CSMD1: variants seen among roughly 807,000 people sequenced by gnomAD.
The protein encoded by CSMD1 is CUB and Sushi multiple domains 1.
CSMD1 carries 213 observed loss-of-function variants against 417.5 expected under a neutral mutation model. The ratio of observed to expected loss-of-function variants is 0.51; its 90% CI spans 0.46 to 0.57. CSMD1 has a LOEUF of 0.57. Ranked by LOEUF, CSMD1 falls within the 20% of genes least tolerant of loss-of-function variation. CSMD1 has a pLI of 0.00. For missense variants in CSMD1, 6,923 were observed against 4,529.7 expected (o/e 1.53, Z -15.17); for synonymous variants, 2,862 against 1,736.8 (o/e 1.65, Z -16.11).
chr8:4,253,587 A>T (rs1011175398), intron 3 of CSMD1, among the ~76,000 whole-genome samples: 1 of 152,170 alleles, frequency 6.6e-6, no homozygotes, highest in Non-Finnish European at 1.5e-5. Flanking sequence ...CAAAGCAGTA[A>T]AATGAGATGA....
intron 18 of CSMD1, among the ~76,000 whole-genome samples, chr8:3,369,760 A>G (rs1271530933): frequency 1.3e-5 from 2 of 152,190 alleles, no homozygotes; most frequent in Non-Finnish European, 2.9e-5. Flanking sequence ...TCAGACACTC[A>G]TTTTGGAAAA....
chr8:3,684,404 A>G (rs1799832741), intron 7 of CSMD1, among the ~76,000 whole-genome samples: 1 of 148,806 alleles, frequency 6.7e-6, no homozygotes, highest in African/African-American at 2.5e-5. Context: ...AAGTACATAT[A>G]TACAAAATAT....
At chr8:3,735,356 T>C (rs768523514) in intron 6 of CSMD1, among the ~76,000 whole-genome samples, 3 of 152,122 alleles carry the variant, frequency 2.0e-5, no homozygotes, top group Non-Finnish European at 2.9e-5. Flanking sequence ...TCTGCAAATA[T>C]TGACTCAAGA....
chr8:4,910,218 T>C (rs1805570962), intron 1 of CSMD1, among the ~76,000 whole-genome samples: 1 of 152,236 alleles, frequency 6.6e-6, no homozygotes, highest in African/African-American at 2.4e-5. Context: ...TAAATTATTA[T>C]TCATCTTGGG....
In CSMD1 at chr8:3,238,157, CA is replaced by C. The variant is rs1246065429; in HGVS notation, c.4154-7927del. Among the ~76,000 whole-genome samples the C allele has an allele frequency of 9.0e-4, 137 of 151,438 alleles. 1 individual carries two copies. Among genetic ancestry groups the C allele is most frequent in the African/African-American group, 3.1e-3 (129 of 41,266 alleles). ...TGGGTACGTAAAGGAAAATTACAGT[CA>C]AAGGGGGGTTGTTCTCTGGTGGGCA... On this transcript the variant is annotated intron_variant, in intron 26 of 69. Coordinates refer to ENST00000635120, the MANE Select transcript of CSMD1 (RefSeq NM_033225.6).
intron 3 of CSMD1, among the ~76,000 whole-genome samples, chr8:4,213,327 C>A (rs1490206013): frequency 2.0e-5 from 3 of 152,052 alleles, no homozygotes; most frequent in Non-Finnish European, 4.4e-5. Flanking sequence ...TCCAGACATG[C>A]AATTCAGAGA....
intron 26 of CSMD1, among the ~76,000 whole-genome samples, chr8:3,247,656 G>A (rs190036645): frequency 5.9e-5 from 9 of 152,164 alleles, no homozygotes; most frequent in South Asian, 4.2e-4. Flanking sequence ...CAAGGCCCCC[G>A]CCCCCAGTTC....
chr8:3,824,965 G>T (rs182047501), intron 5 of CSMD1, among the ~76,000 whole-genome samples: 1 of 152,098 alleles, frequency 6.6e-6, no homozygotes, highest in Admixed American at 6.5e-5. Context: ...TTTAACTGTT[G>T]TTTAATAATA....
At chr8:4,462,413 T>C (rs182981748) in intron 2 of CSMD1, among the ~76,000 whole-genome samples, 1 of 152,092 alleles carries the variant, frequency 6.6e-6, no homozygotes, top group Non-Finnish European at 1.5e-5. Context: ...AAGATGGCAA[T>C]ACTCCCCAAA....
chr8:3,435,302 G>C (rs1264383416), intron 12 of CSMD1, among the ~76,000 whole-genome samples: 1 of 152,168 alleles, frequency 6.6e-6, no homozygotes, highest in Non-Finnish European at 1.5e-5. Flanking sequence ...ATTTCACTGG[G>C]AAAGATGAAG....
intron 3 of CSMD1, among the ~76,000 whole-genome samples, chr8:4,369,663 T>A (rs1441970905): frequency 3.3e-5 from 5 of 152,234 alleles, no homozygotes; most frequent in Non-Finnish European, 7.3e-5. Context: ...GTTGTCTTCT[T>A]GTTGAGTTGA....
intron 1 of CSMD1, among the ~76,000 whole-genome samples, chr8:4,665,971 G>C (rs1268561669): frequency 2.0e-5 from 3 of 152,096 alleles, no homozygotes; most frequent in South Asian, 2.1e-4. Flanking sequence ...GTTCCTATTA[G>C]GAATATGTAA....
intron 3 of CSMD1, among the ~76,000 whole-genome samples, chr8:4,246,481 G>A (rs925501098): frequency 6.6e-6 from 1 of 152,152 alleles, no homozygotes; most frequent in Non-Finnish European, 1.5e-5. Flanking sequence ...TCTTGTTACA[G>A]AGATAAGAGT....
intron 49 of CSMD1, among the ~76,000 whole-genome samples, chr8:3,057,138 T>C (rs1812284880): frequency 6.6e-6 from 1 of 152,092 alleles, no homozygotes; most frequent in South Asian, 2.1e-4. Context: ...TAAGAAATGT[T>C]GAAAAGATGG....
At chr8:3,780,813 T>C (rs887499678) in intron 5 of CSMD1, among the ~76,000 whole-genome samples, 6 of 152,214 alleles carry the variant, frequency 3.9e-5, no homozygotes, top group African/African-American at 1.4e-4. Context: ...CTGGCCCTAG[T>C]GCTTTGCCAT....
intron 3 of CSMD1, among the ~76,000 whole-genome samples, chr8:4,081,964 T>G (rs990011819): frequency 6.6e-6 from 1 of 152,264 alleles, no homozygotes; most frequent in East Asian, 1.9e-4. Context: ...TAAACTCAAT[T>G]ATTTAAGATT....
At chr8:3,016,693 T>A (rs1170630417) in intron 52 of CSMD1, among the ~76,000 whole-genome samples, 1 of 152,232 alleles carries the variant, frequency 6.6e-6, no homozygotes, top group Non-Finnish European at 1.5e-5. Flanking sequence ...TTATTCCTTA[T>A]ATGCTGTATC....
At chr8:3,467,607 G>T (rs192728322) in intron 12 of CSMD1, among the ~76,000 whole-genome samples, 2 of 152,308 alleles carry the variant, frequency 1.3e-5, no homozygotes, top group Admixed American at 1.3e-4. Context: ...TGTCAGCAAG[G>T]AGGGACCCTA....
Position 3,954,724 on chromosome 8 carries a change from C to T in CSMD1, c.818+43179G>A, listed in dbSNP as rs543806234. Among the ~76,000 whole-genome samples the T allele has an allele frequency of 4.6e-5, 7 of 152,338 alleles. No individual in the cohort carries two copies. In the East Asian group the frequency reaches 5.8e-4, roughly 13 times the overall value. On this transcript the variant is annotated intron_variant, in intron 5 of 69. Coordinates refer to ENST00000635120, the MANE Select transcript of CSMD1 (RefSeq NM_033225.6). The stretch of plus-strand genomic sequence containing the variant: ...GATTCTTCCCTTAGGGCAGGCTGCC[C>T]GCATGCGCAGAGCCCTCCTTGCCCC...
Sources: gnomAD v4.1 joint callset for allele counts (sites outside exome capture counted in the v4.1 genomes callset) on GRCh38, gnomAD v4.1.1 for gene constraint, MANE v1.5 for transcripts, NCBI Gene and HGNC (gene_info 2026-07-23, HGNC 2026-07-21) for gene names.